The following MAPK9 variants were observed in gnomAD, a reference collection of about 807,000 sequenced individuals.
The protein encoded by MAPK9 is Jun kinase.
MAPK9 carries 30 observed loss-of-function variants against 57.1 expected under a neutral mutation model. The ratio of observed to expected loss-of-function variants is 0.53; its 90% confidence interval spans 0.39 to 0.71. The LOEUF (loss-of-function observed/expected upper bound fraction) is 0.71. MAPK9 is among the 30% of genes least tolerant of loss of function. The probability of loss-of-function intolerance (pLI) is 0.00; values close to 1 mark genes in which losing one functional copy is unlikely to be tolerated. For missense variants in MAPK9, 362 were observed against 521.0 expected, an observed-to-expected ratio of 0.69 and a Z score of 2.97; for synonymous variants, 155 against 177.0, an observed-to-expected ratio of 0.88 and a Z score of 0.99.
At chr5:180,250,653 A>C (rs1264318860) in intron 5 of MAPK9, among the ~76,000 whole-genome samples, 5 of 152,166 alleles carry the variant, frequency 3.3e-5, no homozygotes, top group Admixed American at 3.3e-4. Flanking sequence ...CAACAGGTAC[A>C]ATTACACTGC....
At chr5:180,267,390 G>A (rs1308265857) in intron 3 of MAPK9, among the ~76,000 whole-genome samples, 4 of 149,658 alleles carry the variant, frequency 2.7e-5, no homozygotes, top group Non-Finnish European at 4.4e-5. Context: ...TGAAACCCCT[G>A]TCTCTACTAA....
intron 7 of MAPK9, chr5:180,246,507 T>C (rs999287492): frequency 6.6e-6 from 1 of 152,218 alleles, no homozygotes; most frequent in African/African-American, 2.4e-5. Context: ...AAACACTGAC[T>C]ATGGAGCTTG....
intron 2 of MAPK9, among the ~76,000 whole-genome samples, chr5:180,276,759 C>G (rs1363581658): frequency 6.6e-6 from 1 of 152,170 alleles, no homozygotes; most frequent in East Asian, 1.9e-4. Flanking sequence ...GAGGCTGAGG[C>G]AGGAGAATCA....
intron 3 of MAPK9, among the ~76,000 whole-genome samples, chr5:180,265,246 G>A (rs990695878): frequency 6.6e-6 from 1 of 152,098 alleles, no homozygotes; most frequent in South Asian, 2.1e-4. Context: ...GAAAGGCCTC[G>A]TAGCATCATA....
In MAPK9 at chr5:180,247,310, G is replaced by GC. The variant is rs1424972419; in HGVS notation, c.688+128dup. 59 of 947,812 alleles carry GC rather than the reference G, an allele frequency of 6.2e-5. No homozygotes were observed. Among genetic ancestry groups the GC allele is most frequent in the Non-Finnish European group, 9.0e-5 (55 of 611,174 alleles). 58.7% of individuals were successfully genotyped at this position (947,812 alleles called of 1,614,324 possible). On this transcript the variant is annotated intron_variant, in intron 7 of 11. Coordinates refer to ENST00000452135, the MANE Select transcript of MAPK9 (RefSeq NM_002752.5). The surrounding 1 kb of genome is among the most constrained non-coding windows in gnomAD (Gnocchi z 4.5). ...GACACTAATTAACAAATACAGTAAA[G>GC]CCCCCCTTAGAACACAGTCTGGAGT...
At chr5:180,262,016 TA>T (rs376554705) in intron 4 of MAPK9, among the ~76,000 whole-genome samples, 194 bp from the exon 5 acceptor site, 15 of 147,160 alleles carry the variant, frequency 1.0e-4, no homozygotes, top group South Asian at 2.2e-4. Flanking sequence ...AGTTAAAAAT[TA>T]AAAAAAAAAA....
At position 180,247,983 on chromosome 5, in the gene MAPK9, AC is replaced by A. The variant is rs965370245; in HGVS notation, c.617-474del. ...AGAGTCCCCCATCTTTTTTCTTCAA[AC>A]CCCCTCCCAGGACAAACCCGGTACA... On this transcript the variant is annotated intron_variant, in intron 6 of 11. Transcript: ENST00000452135. This position sits in a 1 kb window ranked among gnomAD's most constrained non-coding sequence, Gnocchi z 4.5. The A allele has an allele frequency of 6.4e-7, 1 of 1,557,680 alleles. No homozygotes were observed. Among genetic ancestry groups the A allele is most frequent in the Non-Finnish European group, 8.7e-7 (1 of 1,144,428 alleles).
intron 8 of MAPK9, among the ~76,000 whole-genome samples, chr5:180,241,804 G>A (rs1006202316): frequency 4.6e-5 from 7 of 152,242 alleles, no homozygotes; most frequent in Admixed American, 1.3e-4. Flanking sequence ...GGCAATTGCC[G>A]AGCTGCGGGT....
rs187094463 is a variant in MAPK9, at chr5:180,262,025, A to C, written c.312-203T>G. 5.9e-3 allele frequency among the ~76,000 whole-genome samples: 893 copies of C among 152,302 alleles called. 7 individuals carry two copies. Among genetic ancestry groups the C allele is most frequent in the Non-Finnish European group, 9.5e-3 (647 of 68,020 alleles). On this transcript the variant is annotated intron_variant, in intron 4 of 11. Transcript: ENST00000452135. The stretch of plus-strand genomic sequence containing the variant: ...CTTACAAGTTAAAAATTAAAAAAAA[A>C]AACAACAACCTTTTATAGCATGGTA...
chr5:180,241,800 T>A (rs1757685854), intron 8 of MAPK9, among the ~76,000 whole-genome samples: 1 of 152,236 alleles, frequency 6.6e-6, no homozygotes, highest in Non-Finnish European at 1.5e-5. Flanking sequence ...AGGTGGCAAT[T>A]GCCGAGCTGC....
At chr5:180,271,258 C>T (rs562559753) in intron 2 of MAPK9, among the ~76,000 whole-genome samples, 2 of 152,222 alleles carry the variant, frequency 1.3e-5, no homozygotes, top group African/African-American at 4.8e-5. Context: ...AGCTTCCCCA[C>T]TTGTAGCTCA....
chr5:180,281,861 G>T (rs547022758), intron 1 of MAPK9, among the ~76,000 whole-genome samples: 1 of 152,210 alleles, frequency 6.6e-6, no homozygotes, highest in African/African-American at 2.4e-5. Flanking sequence ...GTGTGTTAGC[G>T]TGCCAGCCAG....
chr5:180,247,800 C>T lies in MAPK9; in HGVS notation c.617-290G>A. 1.9e-6 allele frequency: 3 copies of T among 1,557,652 alleles called. No individual in the cohort carries two copies. The South Asian group carries it at 3.3e-5, about 17-fold the overall frequency. On this transcript the variant is annotated intron_variant, in intron 6 of 11. Transcript: ENST00000452135. This position sits in a 1 kb window ranked among gnomAD's most constrained non-coding sequence, Gnocchi z 4.5. ...CCTGTGAACACAAAGCTTTTCAGGG[C>T]CACACGCCCACCCCAGCCTCCATGG...
In MAPK9 at chr5:180,268,549, C is replaced by A. The variant is rs757427347; in HGVS notation, c.252+731G>T. Among the ~76,000 whole-genome samples, 3 of 152,326 alleles carry A rather than the reference C, an allele frequency of 2.0e-5. No individual in the cohort carries two copies. The South Asian group carries it at 6.2e-4, about 32-fold the overall frequency. On this transcript the variant is annotated intron_variant, in intron 3 of 11. Coordinates refer to ENST00000452135, the MANE Select transcript of MAPK9 (RefSeq NM_002752.5). ...AATGTTTATTAAGAATTTTATCAGC[C>A]GGGCGCCATGGCTCACGCCTGTAAT...
At chr5:180,253,818 C>G (rs1229365156) in intron 5 of MAPK9, 1 of 152,320 alleles carries the variant, frequency 6.6e-6, no homozygotes, top group Non-Finnish European at 1.5e-5. Flanking sequence ...ACTGAAGGGG[C>G]CTTTTCCAGA....
intron 3 of MAPK9, among the ~76,000 whole-genome samples, chr5:180,265,711 A>G (rs752212511): frequency 2.6e-5 from 4 of 152,244 alleles, no homozygotes; most frequent in East Asian, 1.9e-4. Flanking sequence ...TGGTGTAAAC[A>G]GCGAGTCCCA....
chr5:180,288,785 A>G lies in MAPK9; in HGVS notation c.-48+3063T>C, dbSNP rs1049076101. ...AAAATAATGAATGAAATGACATGAT[A>G]TTTAGGATTTGCTTGAAAATAATTA... On this transcript the variant is annotated intron_variant, in intron 1 of 11. Transcript: ENST00000452135. Among the ~76,000 whole-genome samples the G allele has an allele frequency of 3.9e-5, 6 of 152,250 alleles. 1 individual carries two copies. Among genetic ancestry groups the G allele is most frequent in the Middle Eastern group, 6.3e-3 (2 of 316 alleles).
At chr5:180,253,798 C>G (rs1758961702) in intron 5 of MAPK9, 4 of 152,270 alleles carry the variant, frequency 2.6e-5, no homozygotes, top group Admixed American at 2.6e-4. Flanking sequence ...TTACATCCCT[C>G]CACCAAGGGA....
chr5:180,266,907 T>C (rs898347779), intron 3 of MAPK9, among the ~76,000 whole-genome samples: 4 of 152,214 alleles, frequency 2.6e-5, no homozygotes, highest in African/African-American at 7.2e-5. Context: ...AGAATGTTCA[T>C]TGCAGCACTG....
Sources: allele counts gnomAD v4.1 joint callset (sites outside exome capture counted in the v4.1 genomes callset), GRCh38; gene constraint gnomAD v4.1.1; non-coding constraint Gnocchi (gnomAD v3.1); transcripts MANE v1.5; gene names NCBI Gene and HGNC (gene_info 2026-07-23, HGNC 2026-07-21).